The following ANO2 variants were observed in gnomAD, a reference collection of about 807,000 sequenced individuals.
ANO2 encodes anoctamin-2.
A neutral mutation model predicts 124.2 loss-of-function variants in ANO2; 101 were observed. That is an observed-to-expected ratio of 0.81 (90% confidence interval 0.69 to 0.96). The LOEUF is 0.96. Among genes scored for constraint, ANO2 ranks in the 40% least tolerant of loss-of-function variants. The pLI, the probability that ANO2 is intolerant of heterozygous loss-of-function variation, is 0.00. For missense variants in ANO2, 1,293 were observed against 1,274.5 expected, an observed-to-expected ratio of 1.01 and a Z score of -0.22; for synonymous variants, 486 against 482.5, an observed-to-expected ratio of 1.01 and a Z score of -0.09.
At chr12:5,875,973 G>A (rs1050630109) in intron 3 of ANO2, among the ~76,000 whole-genome samples, 2 of 152,102 alleles carry the variant, frequency 1.3e-5, no homozygotes, top group African/African-American at 4.8e-5. Context: ...GTATTTTACC[G>A]GGTAGAGAGA....
intron 3 of ANO2, among the ~76,000 whole-genome samples, chr12:5,912,964 C>T (rs977779890): frequency 6.6e-6 from 1 of 152,184 alleles, no homozygotes; most frequent in Non-Finnish European, 1.5e-5. Flanking sequence ...TATATCCTTT[C>T]CTAGGAACAC....
intron 4 of ANO2, 106 bp from the exon 5 acceptor site, chr12:5,832,709 T>C (rs545582953): frequency 2.4e-6 from 3 of 1,275,364 alleles, no homozygotes; most frequent in South Asian, 3.0e-5. Flanking sequence ...AGGTGAACAT[T>C]GGAGAGAGGA....
In ANO2 at chr12:5,679,572, C is replaced by A. The variant is rs1373761056; in HGVS notation, c.1546-31771G>T. 2.0e-5 allele frequency among the ~76,000 whole-genome samples: 3 copies of A among 152,048 alleles called. No individual in the cohort carries two copies. In the East Asian group the frequency reaches 5.8e-4, roughly 29 times the overall value. ...CACTGATCATTATAAAAATGCAAAT[C>A]AAAAACCACAATGAGATACCATCAC... On this transcript the variant is annotated intron_variant, in intron 14 of 24. Coordinates refer to ENST00000682330, the MANE Select transcript of ANO2 (RefSeq NM_001364791.2).
rs1374854009 is a variant in ANO2 at position 5,904,994 on chromosome 12, A to T, written c.534+16046T>A. On this transcript the variant is annotated intron_variant, in intron 3 of 24. Transcript: ENST00000682330. This position sits in a 1 kb window ranked among gnomAD's most constrained non-coding sequence, Gnocchi z 4.1. ...TCCCCTGAACTTTCTTAAGTGGCTG[A>T]CAATCCAAACAGTGGACTCTAGGAC... is the stretch of plus-strand genomic sequence containing the variant. 6.6e-6 allele frequency among the ~76,000 whole-genome samples: 1 copy of T among 152,194 alleles called. No homozygotes were observed. The highest frequency in any genetic ancestry group is 2.4e-5 in the African/African-American group (1 of 41,436).
At chr12:5,824,848 CT>C in intron 7 of ANO2, among the ~76,000 whole-genome samples, 1 of 152,214 alleles carries the variant, frequency 6.6e-6, no homozygotes, top group East Asian at 1.9e-4. Flanking sequence ...GGGAAAGGCA[CT>C]TCTTACATGG....
At chr12:5,691,820 T>C (rs1948954355) in intron 14 of ANO2, among the ~76,000 whole-genome samples, 1 of 152,014 alleles carries the variant, frequency 6.6e-6, no homozygotes, top group Non-Finnish European at 1.5e-5. Context: ...GGAGAATCCC[T>C]TGAACCCAGG....
At chr12:5,673,017 C>G (rs1379896697) in intron 14 of ANO2, among the ~76,000 whole-genome samples, 1 of 152,204 alleles carries the variant, frequency 6.6e-6, no homozygotes, top group Non-Finnish European at 1.5e-5. Context: ...ATGTCTCCAT[C>G]TGCCCAGGTC....
intron 16 of ANO2, among the ~76,000 whole-genome samples, chr12:5,624,598 C>T (rs1465481965): frequency 6.6e-6 from 1 of 152,154 alleles, no homozygotes; most frequent in African/African-American, 2.4e-5. Context: ...AGGAAATTCT[C>T]CTGCCTTTCC....
chr12:5,831,349 G>T (rs117887535), intron 5 of ANO2, among the ~76,000 whole-genome samples: 1 of 152,196 alleles, frequency 6.6e-6, no homozygotes, highest in South Asian at 2.1e-4. Flanking sequence ...AACCAGTCTT[G>T]AAGGACAACA....
At chr12:5,807,288 G>A in intron 8 of ANO2, 25 bp downstream of exon 8, 1 of 1,546,568 alleles carries the variant, frequency 6.5e-7, no homozygotes, top group Non-Finnish European at 8.7e-7. Flanking sequence ...ACTACAGAGA[G>A]CACGCTGATG....
Position 5,921,308 on chromosome 12 carries a change from C to A in ANO2, c.266G>T (p.Arg89Leu). 3.7e-6 allele frequency: 6 copies of A among 1,613,916 alleles called. No homozygotes were observed. The highest frequency in any genetic ancestry group is 4.2e-6 in the Non-Finnish European group (5 of 1,179,882). The change falls in exon 3 of 25, where the codon CGC becomes CTC. Residue 89 changes from arginine to leucine, a missense_variant. Transcript: ENST00000682330. ...EPVSLEARLS[R>L]MHFHDSQRKV... ...CCTCTGACTGTCATGGAAGTGCATG[C>A]GGCTAAGACGGGCCTCCAAGGACAC...
chr12:5,740,393 T>G (rs983577951), intron 12 of ANO2: 1 of 168,746 alleles, frequency 5.9e-6, no homozygotes, highest in Non-Finnish European at 1.3e-5. Context: ...AAATCTCTTG[T>G]TATTTGAGTA....
chr12:5,731,648 A>G (rs1243673589), intron 14 of ANO2, among the ~76,000 whole-genome samples: 19 of 151,976 alleles, frequency 1.3e-4, no homozygotes, highest in Admixed American at 1.2e-3. Flanking sequence ...GCACACAGAG[A>G]CAGGTATCCC....
In ANO2 at chr12:5,575,927, A is replaced by G. The variant is rs1942374375; in HGVS notation, c.2528T>C (p.Val843Ala). 6.2e-7 allele frequency: 1 copy of G among 1,613,518 alleles called. No homozygotes were observed. Among genetic ancestry groups the G allele is most frequent in the African/African-American group, 1.3e-5 (1 of 74,912 alleles). ...GTTGAAAAAGGAGAGGGTGTGGTTG[A>G]CAAAGCCGTGCAGAGTCCCATTGTG... ...YSHNGTLHGF[V>A]NHTLSFFNVS... Residue 843 changes from valine (V) to alanine (A), a missense_variant, in exon 23 of 25, where the codon GTC becomes GCC. Transcript: ENST00000682330.
At position 5,615,228 on chromosome 12, in the gene ANO2, T is replaced by C. The variant is rs746081039; in HGVS notation, c.1886A>G (p.Asn629Ser). The C allele has an allele frequency of 2.7e-5, 44 of 1,613,748 alleles. 1 individual carries two copies. The Middle Eastern group carries it at 8.2e-4, about 30-fold the overall frequency. The change falls in exon 17 of 25, where the codon AAT (asparagine) becomes AGT (serine). Residue 629 changes from asparagine (N) to serine (S), a missense_variant. Transcript: ENST00000682330. ...CACATAGAAGATGGGGGAGTAGGCA[T>C]TGACAAACTTGAGCAAGAAAGCTTT... Reference protein sequence around the residue: ...ILKAFLLKFVNAYSPIFYVAF... With the variant: ...ILKAFLLKFVSAYSPIFYVAF...
At chr12:5,771,590 GC>G (rs1412938825) in intron 10 of ANO2, among the ~76,000 whole-genome samples, 3 of 152,014 alleles carry the variant, frequency 2.0e-5, no homozygotes, top group Non-Finnish European at 2.9e-5. Context: ...GACCAGCCTG[GC>G]CATCAAGATG....
chr12:5,592,844 A>G (rs1308245153), intron 20 of ANO2, among the ~76,000 whole-genome samples: 5 of 152,234 alleles, frequency 3.3e-5, no homozygotes, highest in Admixed American at 2.6e-4. Flanking sequence ...GAAAGTAGTC[A>G]TGGAGGTTAA....
chr12:5,612,192 A>T (rs1307391368), intron 19 of ANO2, among the ~76,000 whole-genome samples: 1 of 152,194 alleles, frequency 6.6e-6, no homozygotes, highest in Non-Finnish European at 1.5e-5. Flanking sequence ...ATAGGGGGGA[A>T]TCCACATGAT....
At chr12:5,711,903 T>C (rs1949832169) in intron 14 of ANO2, among the ~76,000 whole-genome samples, 1 of 152,168 alleles carries the variant, frequency 6.6e-6, no homozygotes, top group Admixed American at 6.5e-5. Flanking sequence ...GAAACAGACT[T>C]CTTGACTGAA....
Sources: gnomAD v4.1 joint callset for allele counts (sites outside exome capture counted in the v4.1 genomes callset) on GRCh38, gnomAD v4.1.1 for gene constraint, Gnocchi (gnomAD v3.1) non-coding constraint, MANE v1.5 for transcripts, NCBI Gene and HGNC (gene_info 2026-07-23, HGNC 2026-07-21) for gene names.